Variants in ANO2 observed in about 807,000 individuals in gnomAD.
The protein encoded by ANO2 is anoctamin 2.
Under a neutral mutation model 124.2 loss-of-function variants are expected in ANO2, and 101 were observed. The ratio of observed to expected loss-of-function variants is 0.81; its 90% CI spans 0.69 to 0.96. ANO2 has a LOEUF of 0.96. Ranked by LOEUF, ANO2 falls within the 40% of genes least tolerant of loss-of-function variation. ANO2 has a pLI of 0.00. For synonymous variants in ANO2, 486 were observed against 482.5 expected (o/e 1.01, Z -0.09); for missense variants, 1,293 against 1,274.5 (o/e 1.01, Z -0.22).
At chr12:5,873,865 C>T (rs1453535638) in intron 3 of ANO2, among the ~76,000 whole-genome samples, 1 of 152,210 alleles carries the variant, frequency 6.6e-6, no homozygotes, top group Non-Finnish European at 1.5e-5. Flanking sequence ...CCCTCCAGGG[C>T]TAGTGGCAGC....
intron 14 of ANO2, among the ~76,000 whole-genome samples, chr12:5,653,408 G>A (rs934366651): frequency 7.2e-5 from 11 of 152,248 alleles, no homozygotes; most frequent in East Asian, 5.8e-4. Context: ...GCTTCATTCC[G>A]TCTCCACCTC....
intron 14 of ANO2, among the ~76,000 whole-genome samples, chr12:5,672,882 T>C (rs1055295175): frequency 1.3e-5 from 2 of 152,212 alleles, no homozygotes; most frequent in Admixed American, 1.3e-4. Context: ...GTTTGGAAGT[T>C]CTACATAGTC....
chr12:5,694,061 C>G (rs1949056251), intron 14 of ANO2, among the ~76,000 whole-genome samples: 1 of 152,104 alleles, frequency 6.6e-6, no homozygotes, highest in African/African-American at 2.4e-5. Context: ...AATGCTGCAG[C>G]CCCAGAGTTT....
At chr12:5,849,980 A>G (rs575727605) in intron 4 of ANO2, among the ~76,000 whole-genome samples, 1 of 152,254 alleles carries the variant, frequency 6.6e-6, no homozygotes, top group Admixed American at 6.5e-5. Context: ...GGTTTAACCC[A>G]GACCCCCACC....
At chr12:5,795,256 G>T (rs1423368064) in intron 10 of ANO2, among the ~76,000 whole-genome samples, 2 of 152,250 alleles carry the variant, frequency 1.3e-5, no homozygotes, top group Non-Finnish European at 2.9e-5. Flanking sequence ...TAACCCCATA[G>T]AGATCACTCT....
chr12:5,888,406 A>G lies in ANO2; in HGVS notation c.534+32634T>C, dbSNP rs571509750. On this transcript the variant is annotated intron_variant, in intron 3 of 24. Transcript: ENST00000682330. ...ACAGTGTGGAAGGGGACGCCAGCGG[A>G]TTGCCACCGCTGGCTCCAGCAGCCT... is the stretch of plus-strand genomic sequence containing the variant. 5.4e-3 allele frequency among the ~76,000 whole-genome samples: 826 copies of G among 152,144 alleles called. 6 individuals are homozygous for G. Among genetic ancestry groups the G allele is most frequent in the African/African-American group, 0.019 (802 of 41,498 alleles).
Position 5,787,611 on chromosome 12 carries a change from G to T in ANO2, c.1055+11896C>A, listed in dbSNP as rs1952575903. ...GTGTTGTGAGTTAGCAAATGCCAAGGGGTAGAACAGTGCCTGCCACACAGC... is the reference window on the plus strand; with the variant it reads ...GTGTTGTGAGTTAGCAAATGCCAAGTGGTAGAACAGTGCCTGCCACACAGC... On this transcript the variant is annotated intron_variant, in intron 10 of 24. Transcript: ENST00000682330. The surrounding 1 kb of genome is among the most constrained non-coding windows in gnomAD (Gnocchi z 4.2). Among the ~76,000 whole-genome samples, 2 of 152,150 alleles carry T rather than the reference G, an allele frequency of 1.3e-5. No homozygotes were observed. The highest frequency in any genetic ancestry group is 4.1e-4 in the South Asian group (2 of 4,820).
intron 10 of ANO2, among the ~76,000 whole-genome samples, chr12:5,758,407 C>T (rs1951643505): frequency 6.6e-6 from 1 of 152,140 alleles, no homozygotes; most frequent in South Asian, 2.1e-4. Flanking sequence ...GGCATGAGAA[C>T]AAAACTGCCC....
At chr12:5,608,381 G>T (rs142071149) in intron 19 of ANO2, among the ~76,000 whole-genome samples, 6 of 151,442 alleles carry the variant, frequency 4.0e-5, no homozygotes, top group Admixed American at 4.0e-4. Context: ...TTTGGCAAAA[G>T]AATTTTTGTT....
At chr12:5,675,890 T>C (rs1281259266) in intron 14 of ANO2, among the ~76,000 whole-genome samples, 1 of 152,226 alleles carries the variant, frequency 6.6e-6, no homozygotes, top group Non-Finnish European at 1.5e-5. Context: ...CTTCCAGTTG[T>C]ACGGCCCTTC....
At chr12:5,816,239 G>A (rs1367320750) in intron 7 of ANO2, among the ~76,000 whole-genome samples, 1 of 151,278 alleles carries the variant, frequency 6.6e-6, no homozygotes. Flanking sequence ...TTATAAGCCA[G>A]AAAGAAAGGC....
Position 5,599,640 on chromosome 12 carries a change from A to C in ANO2, c.2088-11T>G. The C allele has an allele frequency of 6.2e-7, 1 of 1,613,252 alleles. No individual in the cohort carries two copies. Among genetic ancestry groups the C allele is most frequent in the Non-Finnish European group, 8.5e-7 (1 of 1,179,714 alleles). Reference sequence around the variant, plus strand: ...AGTTTCTTTAGCTTCCTGGAAAAGAAATGGATTAAGTTACAAAAAGCCTCT... The same window carrying C: ...AGTTTCTTTAGCTTCCTGGAAAAGACATGGATTAAGTTACAAAAAGCCTCT... On this transcript the variant is annotated splice_polypyrimidine_tract_variant and intron_variant, in intron 19 of 24. Transcript: ENST00000682330.
intron 10 of ANO2, among the ~76,000 whole-genome samples, chr12:5,783,303 A>C (rs1952454860): frequency 1.3e-5 from 2 of 152,180 alleles, no homozygotes; most frequent in South Asian, 4.1e-4. Context: ...CTTATCTCTC[A>C]AAGTAACCTT....
chr12:5,758,611 G>A (rs1412407989), intron 10 of ANO2, among the ~76,000 whole-genome samples: 2 of 152,092 alleles, frequency 1.3e-5, no homozygotes. Context: ...AGCACTCCAG[G>A]GCTCACACAA....
chr12:5,699,534 C>A (rs1381531299), intron 14 of ANO2, among the ~76,000 whole-genome samples: 1 of 152,066 alleles, frequency 6.6e-6, no homozygotes, highest in Non-Finnish European at 1.5e-5. Context: ...ACTGCATCAA[C>A]TAACGAGCAA....
At chr12:5,710,556 C>T (rs2137038868) in intron 14 of ANO2, among the ~76,000 whole-genome samples, 1 of 152,276 alleles carries the variant, frequency 6.6e-6, no homozygotes, top group East Asian at 1.9e-4. Context: ...TTCACATTTG[C>T]CTTCTGTAAA....
chr12:5,706,018 G>T (rs747149062), intron 14 of ANO2, among the ~76,000 whole-genome samples: 1 of 152,162 alleles, frequency 6.6e-6, no homozygotes, highest in Non-Finnish European at 1.5e-5. Context: ...GTGCCCTTCT[G>T]GGGGAGATTC....
chr12:5,763,672 G>C (rs2362473), intron 10 of ANO2, among the ~76,000 whole-genome samples: 1 of 151,814 alleles, frequency 6.6e-6, no homozygotes, highest in African/African-American at 2.4e-5. Context: ...ACAAAACAGC[G>C]TATCAAGATT....
At chr12:5,881,353 C>G (rs1324989769) in intron 3 of ANO2, among the ~76,000 whole-genome samples, 2 of 152,138 alleles carry the variant, frequency 1.3e-5, no homozygotes, top group Non-Finnish European at 2.9e-5. Context: ...TGCCTTCTGG[C>G]TGGGGGAATG....
Sources: gnomAD v4.1 joint callset for allele counts (sites outside exome capture counted in the v4.1 genomes callset) on GRCh38, gnomAD v4.1.1 for gene constraint, Gnocchi (gnomAD v3.1) non-coding constraint, MANE v1.5 for transcripts, NCBI Gene and HGNC (gene_info 2026-07-23, HGNC 2026-07-21) for gene names.